Variants in NPM1 observed in about 807,000 individuals in gnomAD.
NPM1 encodes the protein nucleophosmin 1.
A neutral mutation model predicts 44.1 loss-of-function variants in NPM1; 1 was observed. The ratio of observed to expected loss-of-function variants is 0.02; its 90% CI spans 0.01 to 0.11. The LOEUF (loss-of-function observed/expected upper bound fraction) is 0.11, where lower values mean the gene tolerates loss of function less well. Among genes scored for constraint, NPM1 ranks in the 10% least tolerant of loss-of-function variants. NPM1 has a pLI of 1.00. For missense variants in NPM1, 197 were observed against 347.8 expected, an observed-to-expected ratio of 0.57 and a Z score of 3.45; for synonymous variants, 126 against 111.8, an observed-to-expected ratio of 1.13 and a Z score of -0.80.
intron 6 of NPM1, among the ~76,000 whole-genome samples, chr5:171,396,098 G>T (rs1770868968): frequency 6.6e-6 from 1 of 152,048 alleles, no homozygotes; most frequent in African/African-American, 2.4e-5. Flanking sequence ...TCCTGCCTCA[G>T]CCTCCCAAGT....
At chr5:171,394,041 C>CTTTT (rs144186175) in intron 6 of NPM1, among the ~76,000 whole-genome samples, 30 of 97,068 alleles carry the variant, frequency 3.1e-4, no homozygotes, top group Admixed American at 5.6e-4. Flanking sequence ...TTTTTGTTTT[C>CTTTT]TTTTTTTTTT....
At chr5:171,387,533 C>T (rs1581233350), upstream of NPM1, 1 of 214,080 alleles carries the variant, frequency 4.7e-6, no homozygotes, top group Non-Finnish European at 9.4e-6. Flanking sequence ...GGCGGGAGGC[C>T]GGCGCGCTTG....
At chr5:171,397,514 G>A (rs766849464) in intron 6 of NPM1, among the ~76,000 whole-genome samples, 16 of 152,238 alleles carry the variant, frequency 1.1e-4, no homozygotes, top group Admixed American at 2.0e-4. Context: ...GTTTGATTGC[G>A]TCTCCCTGTG....
intron 2 of NPM1, 129 bp from the exon 3 acceptor site, chr5:171,391,175 TG>T: frequency 9.7e-7 from 1 of 1,031,056 alleles, no homozygotes; most frequent in South Asian, 1.6e-5. Context: ...AAGATGAAAT[TG>T]TCTAACAACA....
At chr5:171,409,811 G>GT (rs75967754) in intron 10 of NPM1, among the ~76,000 whole-genome samples, 60,913 of 134,986 alleles carry the variant, frequency 0.45, 12,267 homozygotes, top group East Asian at 0.59. Context: ...CTGGCCAGCT[G>GT]TTTTTTTTGT....
At chr5:171,387,501 AGGGTGGGC>A, upstream of NPM1, 1 of 199,126 alleles carries the variant, frequency 5.0e-6, no homozygotes, top group South Asian at 1.9e-4. Flanking sequence ...GCCATTTTGC[AGGGTGGGC>A]TGCGCAGACT....
At chr5:171,390,861 T>C (rs574062817) in intron 2 of NPM1, among the ~76,000 whole-genome samples, 73 of 152,286 alleles carry the variant, frequency 4.8e-4, no homozygotes, top group African/African-American at 1.6e-3. Flanking sequence ...TAGCTGGGAT[T>C]ACAGGCATGT....
chr5:171,395,714 G>A (rs1375691305), intron 6 of NPM1, among the ~76,000 whole-genome samples: 1 of 152,182 alleles, frequency 6.6e-6, no homozygotes, highest in African/African-American at 2.4e-5. Flanking sequence ...GCAAAGAGGT[G>A]CATGAAGGTT....
chr5:171,396,073 G>A (rs928562487), intron 6 of NPM1, among the ~76,000 whole-genome samples: 4 of 151,364 alleles, frequency 2.6e-5, no homozygotes, highest in South Asian at 2.1e-4. Context: ...TCTGCCTCCC[G>A]GGTTCAAGTG....
intron 1 of NPM1, 59 bp downstream of exon 1, chr5:171,388,065 G>A: frequency 7.5e-7 from 1 of 1,338,760 alleles, no homozygotes; most frequent in Non-Finnish European, 1.1e-6. Context: ...GTGAGGGTGG[G>A]GGTGAGGGGC....
At chr5:171,406,613 G>C in intron 9 of NPM1, 1 of 1,369,388 alleles carries the variant, frequency 7.3e-7, no homozygotes, top group Non-Finnish European at 9.4e-7. Flanking sequence ...TGACTGCTGT[G>C]ATTCAGTGAA....
chr5:171,396,818 T>TA (rs1770915959), intron 6 of NPM1, among the ~76,000 whole-genome samples: 1 of 152,138 alleles, frequency 6.6e-6, no homozygotes, highest in South Asian at 2.1e-4. Flanking sequence ...CCGTCTCTGC[T>TA]AACATACAGC....
At chr5:171,400,704 C>T in intron 7 of NPM1, 135 bp from the exon 8 acceptor site, 1 of 603,588 alleles carries the variant, frequency 1.7e-6, no homozygotes, top group Non-Finnish European at 3.0e-6. Context: ...CCTCGGCCTC[C>T]CAAAGTCCTG....
chr5:171,389,084 G>A (rs1770433787), intron 1 of NPM1, among the ~76,000 whole-genome samples: 1 of 152,174 alleles, frequency 6.6e-6, no homozygotes, highest in Non-Finnish European at 1.5e-5. Flanking sequence ...CAGAATTTTG[G>A]GAGCACCACC....
At position 171,394,709 on chromosome 5, in the gene NPM1, G is replaced by A. The variant is rs913867038; in HGVS notation, c.524+1731G>A. ...CACAAATTAGAAATAGGGATGGTAT[G>A]GTTCGGATTGGTTTAGTCTGATTTT... On this transcript the variant is annotated intron_variant, in intron 6 of 10. Coordinates refer to ENST00000296930, the MANE Select transcript of NPM1 (RefSeq NM_002520.7). 5.3e-5 allele frequency among the ~76,000 whole-genome samples: 8 copies of A among 152,192 alleles called. No individual in the cohort carries two copies. The East Asian group carries it at 1.5e-3, about 29-fold the overall frequency.
At chr5:171,390,884 G>C (rs1486178202) in intron 2 of NPM1, among the ~76,000 whole-genome samples, 1 of 152,062 alleles carries the variant, frequency 6.6e-6, no homozygotes. Context: ...CACCACACCT[G>C]GCTAATTTTT....
At chr5:171,391,600 G>A in intron 3 of NPM1, 106 bp from the exon 4 acceptor site, 2 of 1,106,458 alleles carry the variant, frequency 1.8e-6, no homozygotes, top group South Asian at 2.7e-5. Context: ...TATCAGAGGT[G>A]GAAAAACAGG....
chr5:171,399,042 G>T (rs1454383088), intron 6 of NPM1, among the ~76,000 whole-genome samples: 1 of 152,082 alleles, frequency 6.6e-6, no homozygotes. Flanking sequence ...GTAGAGACTG[G>T]GTTTCCCCAT....
intron 9 of NPM1, 140 bp downstream of exon 9, chr5:171,405,543 A>G (rs1771519641): frequency 1.6e-6 from 1 of 642,050 alleles, no homozygotes; most frequent in Non-Finnish European, 2.8e-6. Context: ...AATTTTTTCA[A>G]AAATTTCTTA....
Sources: allele counts gnomAD v4.1 joint callset (sites outside exome capture counted in the v4.1 genomes callset), GRCh38; gene constraint gnomAD v4.1.1; transcripts MANE v1.5; gene names NCBI Gene and HGNC (gene_info 2026-07-23, HGNC 2026-07-21).